Variants in FHIT observed in about 807,000 individuals in gnomAD.
FHIT encodes the protein fragile histidine triad diadenosine triphosphatase, also known as bis(5'-adenosyl)-triphosphatase.
FHIT carries 19 observed loss-of-function variants against 17.9 expected under a neutral mutation model. That is an observed-to-expected ratio of 1.06 (90% CI 0.74 to 1.56). The LOEUF is 1.56. Ranked by LOEUF, FHIT falls within the 40% of genes most tolerant of loss-of-function variation. The pLI, the probability that FHIT is intolerant of heterozygous loss-of-function variation, is 0.00. For missense variants in FHIT, 248 were observed against 189.2 expected (o/e 1.31, Z -1.82); for synonymous variants, 81 against 69.7 (o/e 1.16, Z -0.81).
chr3:60,731,859 T>C (rs75785747), intron 4 of FHIT, among the ~76,000 whole-genome samples: 2,143 of 152,312 alleles, frequency 0.014, 61 homozygotes, highest in African/African-American at 0.048. Flanking sequence ...CCTGGTGGGA[T>C]GTGGGGTGTC....
chr3:60,026,557 A>G lies in FHIT; in HGVS notation c.104-12405T>C, dbSNP rs17322285. Among the ~76,000 whole-genome samples, 1,142 of 152,250 alleles carry G rather than the reference A, an allele frequency of 7.5e-3. 25 individuals are homozygous for G. In the South Asian group the frequency reaches 0.076, roughly 10 times the overall value. On this transcript the variant is annotated intron_variant, in intron 5 of 9. Coordinates refer to ENST00000492590, the MANE Select transcript of FHIT (RefSeq NM_002012.4). ...ATTTCCCCCTCATAATGTAAGCATC[A>G]CTGGTAGCAGAGTCTAGGAATTAAT...
chr3:60,489,797 T>C (rs1467237394), intron 5 of FHIT, among the ~76,000 whole-genome samples: 1 of 152,192 alleles, frequency 6.6e-6, no homozygotes, highest in Non-Finnish European at 1.5e-5. Context: ...GGCCTGTGCC[T>C]GTTTTCATAG....
At chr3:60,793,103 G>A (rs1700844294) in intron 4 of FHIT, among the ~76,000 whole-genome samples, 1 of 152,080 alleles carries the variant, frequency 6.6e-6, no homozygotes, top group South Asian at 2.1e-4. Flanking sequence ...GTTCTAGCTT[G>A]GAGTTTTAGG....
intron 8 of FHIT, among the ~76,000 whole-genome samples, chr3:59,905,666 A>C (rs893319580): frequency 5.9e-5 from 9 of 152,338 alleles, no homozygotes; most frequent in African/African-American, 2.2e-4. Flanking sequence ...TTTAATTTTA[A>C]GCTGTCTCTT....
chr3:60,440,924 C>T (rs183277244), intron 5 of FHIT, among the ~76,000 whole-genome samples: 17 of 152,162 alleles, frequency 1.1e-4, no homozygotes, highest in East Asian at 1.9e-4. Flanking sequence ...TGTTGGCATA[C>T]GATTCTGATA....
intron 2 of FHIT, among the ~76,000 whole-genome samples, chr3:61,099,958 C>G (rs1262649862): frequency 1.3e-5 from 2 of 152,018 alleles, no homozygotes; most frequent in African/African-American, 4.8e-5. Context: ...GTTCCCGAAT[C>G]CTTGCTGATG....
chr3:60,691,550 T>A (rs74490078), intron 4 of FHIT, among the ~76,000 whole-genome samples: 1 of 152,010 alleles, frequency 6.6e-6, no homozygotes. Flanking sequence ...TTGCCTTTTT[T>A]GAAGTGACAG....
At chr3:60,663,307 A>G (rs945343019) in intron 4 of FHIT, among the ~76,000 whole-genome samples, 5 of 151,562 alleles carry the variant, frequency 3.3e-5, no homozygotes, top group Admixed American at 1.3e-4. Flanking sequence ...CTCAAAGATC[A>G]ATTTGGGCAG....
intron 3 of FHIT, among the ~76,000 whole-genome samples, chr3:60,921,842 G>A (rs561076969): frequency 3.0e-4 from 46 of 152,324 alleles, no homozygotes; most frequent in Non-Finnish European, 4.4e-4. Context: ...CATGTTCCCT[G>A]CCCAACACTA....
intron 5 of FHIT, among the ~76,000 whole-genome samples, chr3:60,388,476 G>A (rs1284736621): frequency 6.6e-6 from 1 of 152,026 alleles, no homozygotes; most frequent in South Asian, 2.1e-4. Context: ...GTGGTCACAT[G>A]CCTGTAGACC....
At chr3:59,815,343 G>A (rs1314136927) in intron 8 of FHIT, among the ~76,000 whole-genome samples, 2 of 152,104 alleles carry the variant, frequency 1.3e-5, no homozygotes, top group Non-Finnish European at 2.9e-5. Context: ...TAACTAAAAG[G>A]GGAATTACCA....
chr3:61,101,527 G>A (rs921658013), intron 2 of FHIT, among the ~76,000 whole-genome samples: 1 of 152,134 alleles, frequency 6.6e-6, no homozygotes, highest in African/African-American at 2.4e-5. Context: ...GCTTAGGATT[G>A]TCTTGGCAAT....
intron 8 of FHIT, among the ~76,000 whole-genome samples, chr3:59,902,350 G>A (rs1440980912): frequency 3.9e-5 from 6 of 151,934 alleles, no homozygotes; most frequent in African/African-American, 1.5e-4. Flanking sequence ...TGGTAGAAAT[G>A]TAAACTTGTA....
chr3:59,790,512 CTCTCTCTCTCTCTCTCTG>C, intron 8 of FHIT, among the ~76,000 whole-genome samples: 1 of 142,658 alleles, frequency 7.0e-6, no homozygotes, highest in Non-Finnish European at 1.5e-5. Context: ...CTCTTTCTCT[CTCTCTCTCTCTCTCTCTG>C]TGTGTGTGTG....
intron 4 of FHIT, among the ~76,000 whole-genome samples, chr3:60,661,594 G>C (rs979667794): frequency 3.9e-5 from 6 of 152,160 alleles, no homozygotes; most frequent in Non-Finnish European, 5.9e-5. Flanking sequence ...GGATCAAATG[G>C]TAGTTTTACT....
intron 5 of FHIT, among the ~76,000 whole-genome samples, chr3:60,212,833 AG>A (rs1703519697): frequency 6.6e-6 from 1 of 152,212 alleles, no homozygotes; most frequent in South Asian, 2.1e-4. Context: ...GACATGGCGG[AG>A]CAATCCTGGG....
intron 5 of FHIT, among the ~76,000 whole-genome samples, chr3:60,472,615 C>T (rs1018361458): frequency 6.6e-6 from 1 of 152,074 alleles, no homozygotes; most frequent in South Asian, 2.1e-4. Context: ...ATGATCCGCC[C>T]GTCTCGGCCT....
chr3:59,750,079 C>G (rs1384984085), intron 9 of FHIT: 1 of 225,560 alleles, frequency 4.4e-6, no homozygotes, highest in Non-Finnish European at 8.8e-6. Context: ...GGGTAAATAT[C>G]TTTCTGGTAA....
chr3:61,009,860 T>A (rs922324050), intron 3 of FHIT, among the ~76,000 whole-genome samples: 10 of 152,200 alleles, frequency 6.6e-5, no homozygotes, highest in Non-Finnish European at 1.2e-4. Flanking sequence ...CCTTTCATAG[T>A]TACTGTGGTT....
Sources: gnomAD v4.1 joint callset for allele counts (sites outside exome capture counted in the v4.1 genomes callset) on GRCh38, gnomAD v4.1.1 for gene constraint, MANE v1.5 for transcripts, NCBI Gene and HGNC (gene_info 2026-07-23, HGNC 2026-07-21) for gene names.